The following ITGA4 variants were observed in gnomAD, a reference collection of about 807,000 sequenced individuals.
ITGA4 encodes the protein integrin subunit alpha 4, also known as integrin alpha-4.
ITGA4 carries 63 observed loss-of-function variants against 133.6 expected under a neutral mutation model. The ratio of observed to expected loss-of-function variants is 0.47; its 90% CI spans 0.38 to 0.58. The LOEUF (loss-of-function observed/expected upper bound fraction) is 0.58. ITGA4 is among the 20% of genes least tolerant of loss of function. ITGA4 has a pLI of 0.00. For synonymous variants in ITGA4, 483 were observed against 438.0 expected (o/e 1.10, Z -1.28); for missense variants, 1,076 against 1,252.7 (o/e 0.86, Z 2.13).
In ITGA4 at chr2:181,537,821, T is replaced by C. The variant is rs576839214; in HGVS notation, c.*2294T>C. 7 of 477,618 alleles carry C rather than the reference T, an allele frequency of 1.5e-5. No individual in the cohort carries two copies. Among genetic ancestry groups the C allele is most frequent in the Admixed American group, 2.3e-5 (1 of 43,288 alleles). 29.6% of individuals were successfully genotyped at this position (477,618 alleles called of 1,614,324 possible). ...TGACTTTTAAAGCCCTAGAGGCTAATTGTTAGTAACATCAATTTCTATTAG... is the reference window on the plus strand; with the variant it reads ...TGACTTTTAAAGCCCTAGAGGCTAACTGTTAGTAACATCAATTTCTATTAG... On this transcript the variant is annotated 3_prime_UTR_variant, in exon 28 of 28. Coordinates refer to ENST00000397033, the MANE Select transcript of ITGA4 (RefSeq NM_000885.6).
chr2:181,509,600 T>TA, intron 15 of ITGA4, 58 bp from the exon 16 acceptor site: 1 of 1,246,430 alleles, frequency 8.0e-7, no homozygotes, highest in Non-Finnish European at 1.1e-6. Flanking sequence ...AGGAGTTTTA[T>TA]TTTTTTTTAA....
At chr2:181,484,572 A>AT (rs1474298064) in intron 9 of ITGA4, among the ~76,000 whole-genome samples, 1 of 152,216 alleles carries the variant, frequency 6.6e-6, no homozygotes, top group Non-Finnish European at 1.5e-5. Context: ...GTCAGTGATT[A>AT]TATTTATAAA....
intron 15 of ITGA4, among the ~76,000 whole-genome samples, chr2:181,508,878 C>T (rs1259845071): frequency 1.3e-5 from 2 of 151,730 alleles, no homozygotes; most frequent in African/African-American, 2.4e-5. Context: ...TATGGTGGCT[C>T]ACACCTGTAA....
chr2:181,480,184 T>C lies in ITGA4; in HGVS notation c.672T>C (p.Ser224=). 1 of 1,563,218 alleles carries C rather than the reference T, an allele frequency of 6.4e-7. No homozygotes were observed. Among genetic ancestry groups the C allele is most frequent in the South Asian group, 1.2e-5 (1 of 82,628 alleles). Residue 224 remains serine (S), a synonymous_variant, in exon 6 of 28, where the codon TCT becomes TCC. Transcript: ENST00000397033. ...CAGGATCATCTTACTGGACTGGCTCTCTTTTTGTCTACAATATAACTACAA... is the reference window on the plus strand; with the variant it reads ...CAGGATCATCTTACTGGACTGGCTCCCTTTTTGTCTACAATATAACTACAA... The part of the protein sequence containing the change: ...GAPGSSYWTG[S]LFVYNITTNK...
intron 15 of ITGA4, among the ~76,000 whole-genome samples, chr2:181,508,485 C>G (rs1441909385): frequency 6.6e-6 from 1 of 151,958 alleles, no homozygotes; most frequent in African/African-American, 2.4e-5. Context: ...CACTTGAGGT[C>G]AGGAATTTGA....
intron 2 of ITGA4, among the ~76,000 whole-genome samples, chr2:181,473,134 G>A (rs916547370): frequency 1.3e-5 from 2 of 152,182 alleles, no homozygotes; most frequent in Non-Finnish European, 2.9e-5. Flanking sequence ...ACCACTTAGG[G>A]CAGGGGTCCC....
rs201386480 is a variant in ITGA4, at chr2:181,524,125, T to C, written c.2170-46T>C. 4.8e-6 allele frequency: 6 copies of C among 1,237,812 alleles called. No individual in the cohort carries two copies. The African/African-American group carries it at 9.3e-5, about 19-fold the overall frequency. 76.7% of individuals were successfully genotyped at this position (1,237,812 alleles called of 1,614,324 possible). ...AAAAAAATTCAGATTATAAAAAATG[T>C]ACTTAAGATTTTTTTTAATGGGCTT... On this transcript the variant is annotated intron_variant, in intron 19 of 27. Coordinates refer to ENST00000397033, the MANE Select transcript of ITGA4 (RefSeq NM_000885.6).
chr2:181,461,237 G>GA (rs780304046), intron 2 of ITGA4, among the ~76,000 whole-genome samples: 1 of 148,272 alleles, frequency 6.7e-6, no homozygotes, highest in Non-Finnish European at 1.5e-5. Flanking sequence ...TTAGGCATGA[G>GA]ATACCCCTTT....
In ITGA4 at chr2:181,531,666, A is replaced by C. The variant is rs1355460493; in HGVS notation, c.2674A>C (p.Lys892Gln). The C allele has an allele frequency of 1.3e-6, 2 of 1,593,500 alleles. No individual in the cohort carries two copies. Among genetic ancestry groups the C allele is most frequent in the South Asian group, 2.3e-5 (2 of 88,542 alleles). ...TTATATTCCCTTCAAGTACTGCATA[A>C]AAGCTGATCCACATTGTTTAAATTT... ...KTDKRLLYCI[K>Q]ADPHCLNFLC... The change falls in exon 25 of 28, where the codon AAA (lysine) becomes CAA (glutamine). Residue 892 changes from lysine (K) to glutamine (Q), a missense_variant. Lys to Gln is a moderately conservative substitution (Grantham distance 53). Transcript: ENST00000397033.
At chr2:181,496,553 G>A (rs1425366689) in intron 14 of ITGA4, among the ~76,000 whole-genome samples, 3 of 152,172 alleles carry the variant, frequency 2.0e-5, no homozygotes, top group South Asian at 4.1e-4. Context: ...CGTCACCTAT[G>A]TCCCTCTGTA....
At chr2:181,504,358 A>C (rs962997277) in intron 15 of ITGA4, among the ~76,000 whole-genome samples, 2 of 151,986 alleles carry the variant, frequency 1.3e-5, no homozygotes, top group South Asian at 4.1e-4. Context: ...GACTTCTAAA[A>C]CTCATCTTTT....
rs530249364 is a variant in ITGA4 at position 181,457,527 on chromosome 2, T to A, written c.-128T>A. On this transcript the variant is annotated 5_prime_UTR_variant, in exon 1 of 28. Transcript: ENST00000397033. Reference sequence around the variant, plus strand: ...CCTCCTCTTCCCTCTCTCCTTCCTTTAGCCCGCTGGCGCCGGACACGCTGC... The same window carrying A: ...CCTCCTCTTCCCTCTCTCCTTCCTTAAGCCCGCTGGCGCCGGACACGCTGC... The A allele has an allele frequency of 1.3e-5, 12 of 889,294 alleles. No individual in the cohort carries two copies. The highest frequency in any genetic ancestry group is 1.9e-5 in the Non-Finnish European group (11 of 594,456). 55.1% of individuals were successfully genotyped at this position (889,294 alleles called of 1,614,324 possible).
intron 17 of ITGA4, among the ~76,000 whole-genome samples, chr2:181,518,447 T>C (rs1185014897): frequency 6.6e-6 from 1 of 152,090 alleles, no homozygotes; most frequent in African/African-American, 2.4e-5. Context: ...CTGCATCCTA[T>C]GCCATCTGAA....
chr2:181,478,347 T>C (rs1685727299), intron 4 of ITGA4, among the ~76,000 whole-genome samples: 1 of 152,036 alleles, frequency 6.6e-6, no homozygotes, highest in Admixed American at 6.6e-5. Context: ...TCACTCTAAA[T>C]GCACAAAAAA....
At chr2:181,500,330 A>C (rs1004370683) in intron 15 of ITGA4, among the ~76,000 whole-genome samples, 1 of 152,132 alleles carries the variant, frequency 6.6e-6, no homozygotes, top group Non-Finnish European at 1.5e-5. Flanking sequence ...CCTGAACTTG[A>C]GTTCTGTCAA....
At chr2:181,517,160 G>A (rs944868384) in intron 17 of ITGA4, among the ~76,000 whole-genome samples, 1 of 152,026 alleles carries the variant, frequency 6.6e-6, no homozygotes, top group Non-Finnish European at 1.5e-5. Context: ...ACTTAGGCCT[G>A]TAGACTACTT....
chr2:181,535,618 G>A lies in ITGA4; in HGVS notation c.*91G>A. The A allele has an allele frequency of 6.9e-7, 1 of 1,458,296 alleles. No homozygotes were observed. The highest frequency in any genetic ancestry group is 1.6e-5 in the South Asian group (1 of 63,982). 90.3% of individuals were successfully genotyped at this position (1,458,296 alleles called of 1,614,324 possible). A position where few individuals can be genotyped will look rare whatever the true frequency, so the allele number is the denominator to read the frequency against. ...CTGTTTACAAGAAAAAATGAATTTT[G>A]TTTGGACTTCTTTTACTCATGATCT... On this transcript the variant is annotated 3_prime_UTR_variant, in exon 28 of 28. Transcript: ENST00000397033.
chr2:181,501,139 AAC>A (rs1686260119), intron 15 of ITGA4, among the ~76,000 whole-genome samples: 2 of 152,166 alleles, frequency 1.3e-5, no homozygotes, highest in South Asian at 2.1e-4. Context: ...GGCTTCTGAA[AAC>A]ACAAATTGCT....
At chr2:181,505,754 A>G (rs1686379887) in intron 15 of ITGA4, among the ~76,000 whole-genome samples, 1 of 152,114 alleles carries the variant, frequency 6.6e-6, no homozygotes, top group South Asian at 2.1e-4. Flanking sequence ...TGAAAGTAAT[A>G]TACAACAGAT....
Sources: allele counts gnomAD v4.1 joint callset (sites outside exome capture counted in the v4.1 genomes callset), GRCh38; gene constraint gnomAD v4.1.1; transcripts MANE v1.5; gene names NCBI Gene and HGNC (gene_info 2026-07-23, HGNC 2026-07-21).